SMARCC1: variants seen among roughly 807,000 people sequenced by gnomAD.
SMARCC1 encodes the protein SWI/SNF related BAF chromatin remodeling complex subunit C1.
In SMARCC1, 43 loss-of-function variants were observed where a neutral mutation model predicts 147.4. The observed-to-expected ratio is 0.29, with a 90% CI of 0.23 to 0.38. The LOEUF (loss-of-function observed/expected upper bound fraction) is 0.38. SMARCC1 is among the 10% of genes least tolerant of loss of function. The pLI is 1.00. For synonymous variants in SMARCC1, 495 were observed against 484.4 expected, an observed-to-expected ratio of 1.02 and a Z score of -0.29; for missense variants, 1,119 against 1,381.1, an observed-to-expected ratio of 0.81 and a Z score of 3.01.
At chr3:47,703,638 G>A (rs1364171134) in intron 10 of SMARCC1, among the ~76,000 whole-genome samples, 1 of 152,170 alleles carries the variant, frequency 6.6e-6, no homozygotes, top group African/African-American at 2.4e-5. Flanking sequence ...AAGTGAGAGT[G>A]GAAATGGAGA....
At chr3:47,703,698 G>A (rs1195037847) in intron 10 of SMARCC1, among the ~76,000 whole-genome samples, 1 of 152,200 alleles carries the variant, frequency 6.6e-6, no homozygotes, top group African/African-American at 2.4e-5. Context: ...CTACAGTGCA[G>A]AGCGAATGCT....
intron 3 of SMARCC1, among the ~76,000 whole-genome samples, 186 bp downstream of exon 3, chr3:47,745,722 C>T (rs1312403692): frequency 1.3e-5 from 2 of 152,058 alleles, no homozygotes; most frequent in African/African-American, 2.4e-5. Context: ...TTTTAAGACC[C>T]TGTCTCAAAA....
chr3:47,762,139 T>G (rs2034780984), intron 2 of SMARCC1, among the ~76,000 whole-genome samples: 1 of 152,174 alleles, frequency 6.6e-6, no homozygotes, highest in African/African-American at 2.4e-5. Flanking sequence ...AGAGGACTAT[T>G]AAGAAAAATT....
intron 22 of SMARCC1, 148 bp downstream of exon 22, chr3:47,638,577 T>C: frequency 1.5e-6 from 1 of 660,376 alleles, no homozygotes; most frequent in Non-Finnish European, 2.8e-6. Flanking sequence ...TATTATATCC[T>C]GTGAGAACTA....
rs1226992712 is a variant in SMARCC1 at position 47,677,670 on chromosome 3, ATAGC to A, written c.1571+524_1571+527del. On this transcript the variant is annotated intron_variant, in intron 16 of 27. Coordinates refer to ENST00000254480, the MANE Select transcript of SMARCC1 (RefSeq NM_003074.4). The stretch of plus-strand genomic sequence containing the variant: ...GAGTTCTCCTGCCTCAGCCTCCCCA[ATAGC>A]TAAGATTACAGTCATGTGCCACCAC... Among the ~76,000 whole-genome samples the A allele has an allele frequency of 7.2e-5, 11 of 151,806 alleles. No homozygotes were observed. In the East Asian group the frequency reaches 1.9e-3, roughly 27 times the overall value.
chr3:47,697,383 C>T (rs1559647995), intron 11 of SMARCC1, among the ~76,000 whole-genome samples: 1 of 151,602 alleles, frequency 6.6e-6, no homozygotes, highest in Non-Finnish European at 1.5e-5. Flanking sequence ...TCACTGCAAC[C>T]TCCGCCTCCC....
intron 7 of SMARCC1, among the ~76,000 whole-genome samples, chr3:47,720,279 A>T (rs2034215190): frequency 6.6e-6 from 1 of 151,352 alleles, no homozygotes; most frequent in Non-Finnish European, 1.5e-5. Flanking sequence ...ACCTGCCACC[A>T]CGTCTGGCTA....
chr3:47,755,418 A>T (rs568578479), intron 2 of SMARCC1, among the ~76,000 whole-genome samples: 1 of 149,814 alleles, frequency 6.7e-6, no homozygotes, highest in South Asian at 2.1e-4. Context: ...AATGGCGTGA[A>T]CCCGGGAGGC....
intron 1 of SMARCC1, among the ~76,000 whole-genome samples, chr3:47,774,212 A>G (rs1407042341): frequency 6.7e-6 from 1 of 149,844 alleles, no homozygotes; most frequent in Non-Finnish European, 1.5e-5. Flanking sequence ...ACTTACTTAC[A>G]GCATATAAAA....
intron 1 of SMARCC1, among the ~76,000 whole-genome samples, chr3:47,776,868 G>A (rs974853322): frequency 2.4e-4 from 37 of 151,770 alleles, no homozygotes; most frequent in African/African-American, 7.7e-4. Context: ...TCCGCCTCCC[G>A]GGTTCAAGCA....
chr3:47,696,558 G>A (rs1464293524), intron 11 of SMARCC1, among the ~76,000 whole-genome samples: 1 of 149,026 alleles, frequency 6.7e-6, no homozygotes, highest in Non-Finnish European at 1.5e-5. Context: ...TTCACTCATC[G>A]CCCAGGCTGG....
rs1171910951 is a variant in SMARCC1 at position 47,673,395 on chromosome 3, AGGGTG to A, written c.1839+2075_1839+2079del. ...AGCGAGACTCTGTCTCAAAAAAAAA[AGGGTG>A]GGGGGGGGGCAGGCCAGTGGCTCAG... On this transcript the variant is annotated intron_variant, in intron 18 of 27. Transcript: ENST00000254480. 2.5e-4 allele frequency among the ~76,000 whole-genome samples: 4 copies of A among 15,878 alleles called. 2 individuals carry two copies. The highest frequency in any genetic ancestry group is 5.2e-4 in the Non-Finnish European group (4 of 7,728). The allele number at this position is 15,878 out of a possible 152,430, so 10.4% of individuals were successfully genotyped here.
intron 25 of SMARCC1, among the ~76,000 whole-genome samples, chr3:47,611,005 ACT>A (rs2032556752): frequency 6.6e-6 from 1 of 152,258 alleles, no homozygotes; most frequent in Admixed American, 6.5e-5. Flanking sequence ...TAGTTTAACG[ACT>A]ACAAGCATTT....
At chr3:47,701,615 A>G (rs1343169521) in intron 10 of SMARCC1, 1 of 491,306 alleles carries the variant, frequency 2.0e-6, no homozygotes, top group Non-Finnish European at 3.6e-6. Context: ...GGAGTTTGAG[A>G]CCAGCCTGAC....
intron 5 of SMARCC1, among the ~76,000 whole-genome samples, chr3:47,730,738 C>T (rs904336685): frequency 2.0e-5 from 3 of 151,768 alleles, no homozygotes; most frequent in Non-Finnish European, 4.4e-5. Flanking sequence ...TGGTGGCAGA[C>T]GCCTATAATC....
At chr3:47,761,288 C>A (rs1309280435) in intron 2 of SMARCC1, among the ~76,000 whole-genome samples, 1 of 150,852 alleles carries the variant, frequency 6.6e-6, no homozygotes, top group African/African-American at 2.4e-5. Flanking sequence ...GGTGACAGAG[C>A]AAGGCAGTAT....
At chr3:47,678,859 T>C (rs982598043) in intron 15 of SMARCC1, among the ~76,000 whole-genome samples, 1 of 152,240 alleles carries the variant, frequency 6.6e-6, no homozygotes, top group African/African-American at 2.4e-5. Context: ...CTTCAATCTA[T>C]GCTCTCAACC....
rs758180899 is a variant in SMARCC1, at chr3:47,675,548, T to A, written c.1766A>T (p.Asn589Ile). Residue 589 changes from asparagine to isoleucine, a missense_variant, in exon 18 of 28, where the codon AAC becomes ATC. This residue lies in a region of SMARCC1 where 178 missense variants were observed against 264.6 expected (regional missense o/e 0.67). Coordinates refer to ENST00000254480, the MANE Select transcript of SMARCC1 (RefSeq NM_003074.4). Reference protein sequence around the residue: ...AQQMLNFPEKNKEKPVDLQNF... With the variant: ...AQQMLNFPEKIKEKPVDLQNF... ...CTGCAAATCAACTGGTTTTTCCTTG[T>A]TTTTCTCAGGAAAATTTAGCATCTG... 1.9e-6 allele frequency: 3 copies of A among 1,612,398 alleles called. No individual in the cohort carries two copies. The highest frequency in any genetic ancestry group is 2.5e-6 in the Non-Finnish European group (3 of 1,178,458).
chr3:47,752,210 C>T (rs1034056177), intron 2 of SMARCC1, among the ~76,000 whole-genome samples: 3 of 152,198 alleles, frequency 2.0e-5, no homozygotes, highest in East Asian at 3.9e-4. Context: ...GGGATAGAAA[C>T]GGACTTGGGA....
Sources: allele counts gnomAD v4.1 joint callset (sites outside exome capture counted in the v4.1 genomes callset), GRCh38; gene constraint gnomAD v4.1.1; regional missense constraint gnomAD v4.1.1; transcripts MANE v1.5; gene names NCBI Gene and HGNC (gene_info 2026-07-23, HGNC 2026-07-21).